Variants in NCAM2 observed in about 807,000 individuals in gnomAD.
NCAM2 encodes neural cell adhesion molecule 2.
A neutral mutation model predicts 98.1 loss-of-function variants in NCAM2; 30 were observed. The ratio of observed to expected loss-of-function variants is 0.31; its 90% CI spans 0.23 to 0.41. The LOEUF (loss-of-function observed/expected upper bound fraction) is 0.41. Ranked by LOEUF, NCAM2 falls within the 10% of genes least tolerant of loss-of-function variation. The pLI is 1.00. For missense variants in NCAM2, 867 were observed against 1,005.8 expected (o/e 0.86, Z 1.87); for synonymous variants, 368 against 342.4 (o/e 1.07, Z -0.83).
chr21:21,122,908 G>A (rs768545762), intron 1 of NCAM2, among the ~76,000 whole-genome samples: 2 of 152,104 alleles, frequency 1.3e-5, no homozygotes, highest in African/African-American at 2.4e-5. Context: ...TTGCAGTCTC[G>A]TGTACACTTG....
At chr21:21,397,362 G>A (rs2076532674) in intron 9 of NCAM2, among the ~76,000 whole-genome samples, 1 of 152,188 alleles carries the variant, frequency 6.6e-6, no homozygotes, top group Admixed American at 6.5e-5. Flanking sequence ...TGTTGTATAT[G>A]GCCCCCAGGC....
At chr21:21,188,747 A>G (rs906596718) in intron 1 of NCAM2, among the ~76,000 whole-genome samples, 2 of 152,208 alleles carry the variant, frequency 1.3e-5, no homozygotes, top group African/African-American at 2.4e-5. Context: ...ATTACATCAT[A>G]TGCATCTTGT....
At chr21:21,385,567 A>G (rs1214622930) in intron 9 of NCAM2, 1 of 1,065,226 alleles carries the variant, frequency 9.4e-7, no homozygotes, top group Non-Finnish European at 1.3e-6. Flanking sequence ...TTAGAAAATT[A>G]AGCCTTTTTT....
chr21:21,202,168 T>C (rs956669705), intron 1 of NCAM2, among the ~76,000 whole-genome samples: 1 of 152,130 alleles, frequency 6.6e-6, no homozygotes, highest in African/African-American at 2.4e-5. Flanking sequence ...AAATTCATGT[T>C]CCTCCACTTC....
At chr21:21,110,005 C>G (rs1173796637) in intron 1 of NCAM2, among the ~76,000 whole-genome samples, 3 of 152,142 alleles carry the variant, frequency 2.0e-5, no homozygotes, top group East Asian at 3.9e-4. Context: ...GAGTTGCCTC[C>G]AAAGCCGTTG....
chr21:21,104,785 C>G (rs1857789766), intron 1 of NCAM2, among the ~76,000 whole-genome samples: 1 of 151,916 alleles, frequency 6.6e-6, no homozygotes, highest in Admixed American at 6.6e-5. Flanking sequence ...TTTGCGTGAT[C>G]AATACAATAT....
At chr21:21,005,339 T>C (rs1437266595) in intron 1 of NCAM2, among the ~76,000 whole-genome samples, 1 of 152,054 alleles carries the variant, frequency 6.6e-6, no homozygotes, top group East Asian at 1.9e-4. Context: ...AATTGAGAAA[T>C]TGGTAGGAAC....
At chr21:21,241,223 A>T (rs1475222935) in intron 1 of NCAM2, among the ~76,000 whole-genome samples, 1 of 152,176 alleles carries the variant, frequency 6.6e-6, no homozygotes, top group Non-Finnish European at 1.5e-5. Context: ...CAACAAAAAA[A>T]TGGCTTTTTA....
intron 1 of NCAM2, among the ~76,000 whole-genome samples, chr21:21,089,004 G>C (rs1333844062): frequency 6.6e-6 from 1 of 151,204 alleles, no homozygotes; most frequent in Admixed American, 6.6e-5. Context: ...CACATTCTTA[G>C]GTACTGTTTT....
At chr21:21,062,098 T>C (rs902364445) in intron 1 of NCAM2, among the ~76,000 whole-genome samples, 2 of 152,150 alleles carry the variant, frequency 1.3e-5, no homozygotes, top group African/African-American at 4.8e-5. Flanking sequence ...TGGTATAATG[T>C]AAAGTTTTAA....
intron 1 of NCAM2, among the ~76,000 whole-genome samples, chr21:21,153,903 A>G (rs550247054): frequency 4.9e-4 from 75 of 152,000 alleles, no homozygotes; most frequent in South Asian, 1.9e-3. Context: ...ATGACAGCCA[A>G]ATAAAGTGTG....
chr21:21,275,008 A>G (rs1300401412), intron 1 of NCAM2, among the ~76,000 whole-genome samples: 1 of 152,110 alleles, frequency 6.6e-6, no homozygotes, highest in Admixed American at 6.5e-5. Flanking sequence ...ATATTACTAT[A>G]AATTTTAAAA....
In NCAM2 at chr21:21,269,012, T is replaced by C. The variant is rs189124405; in HGVS notation, c.56-11566T>C. On this transcript the variant is annotated intron_variant, in intron 1 of 17. Transcript: ENST00000400546. The stretch of plus-strand genomic sequence containing the variant: ...AGAGATCCTGGAGACACCTTCAGGC[T>C]AGAATCATCCAAGATTCTGAGATGC... Among the ~76,000 whole-genome samples the C allele has an allele frequency of 3.2e-4, 48 of 152,290 alleles. 2 individuals carry two copies. Among genetic ancestry groups the C allele is most frequent in the Admixed American group, 2.9e-3 (45 of 15,282 alleles).
chr21:21,359,085 A>G (rs1424242308), intron 8 of NCAM2, among the ~76,000 whole-genome samples: 2 of 152,030 alleles, frequency 1.3e-5, no homozygotes, highest in East Asian at 3.9e-4. Context: ...TGGCACCTGT[A>G]GATTTTCACG....
At chr21:21,459,648 A>G (rs1982672529) in intron 12 of NCAM2, among the ~76,000 whole-genome samples, 1 of 151,212 alleles carries the variant, frequency 6.6e-6, no homozygotes, top group Non-Finnish European at 1.5e-5. Context: ...GAATTGCTGC[A>G]TGATCTCACT....
chr21:21,087,077 TGC>T (rs1051467495), intron 1 of NCAM2, among the ~76,000 whole-genome samples: 282 of 149,590 alleles, frequency 1.9e-3, no homozygotes, highest in African/African-American at 6.1e-3. Flanking sequence ...TGTGTGTGTG[TGC>T]GTGTGTGTGT....
chr21:21,208,823 T>A (rs1312123031), intron 1 of NCAM2, among the ~76,000 whole-genome samples: 1 of 152,188 alleles, frequency 6.6e-6, no homozygotes, highest in African/African-American at 2.4e-5. Context: ...TATATCATGC[T>A]CAGTAAGTTT....
chr21:21,135,587 T>C (rs2067031553), intron 1 of NCAM2, among the ~76,000 whole-genome samples: 1 of 152,204 alleles, frequency 6.6e-6, no homozygotes, highest in South Asian at 2.1e-4. Flanking sequence ...CTCAGTTTTA[T>C]ATGCCGTTGG....
intron 1 of NCAM2, among the ~76,000 whole-genome samples, chr21:21,153,439 T>G (rs58192334): frequency 0.031 from 4,721 of 151,950 alleles, 286 homozygotes; most frequent in African/African-American, 0.11. Flanking sequence ...TATGCATAAC[T>G]GAATTACACA....
Sources: allele counts gnomAD v4.1 joint callset (sites outside exome capture counted in the v4.1 genomes callset), GRCh38; gene constraint gnomAD v4.1.1; transcripts MANE v1.5; gene names NCBI Gene and HGNC (gene_info 2026-07-23, HGNC 2026-07-21).